Variants in CLNK observed in about 807,000 individuals in gnomAD.
The protein encoded by CLNK is cytokine dependent hematopoietic cell linker.
In CLNK, 74 loss-of-function variants were observed where a neutral mutation model predicts 68.6. The observed-to-expected ratio is 1.08, with a 90% CI of 0.89 to 1.31. The LOEUF (loss-of-function observed/expected upper bound fraction) is 1.31, where lower values mean the gene tolerates loss of function less well. CLNK is among the 50% of genes most tolerant of loss of function. CLNK has a pLI of 0.00. For synonymous variants in CLNK, 198 were observed against 172.2 expected (o/e 1.15, Z -1.17); for missense variants, 553 against 515.3 (o/e 1.07, Z -0.71).
chr4:10,616,790 G>GTATATATATATATA (rs58333228), intron 2 of CLNK, among the ~76,000 whole-genome samples: 4 of 64,398 alleles, frequency 6.2e-5, no homozygotes, highest in African/African-American at 1.3e-4. Flanking sequence ...GTGTGTGTGT[G>GTATATATATATATA]TATATATATA....
intron 3 of CLNK, among the ~76,000 whole-genome samples, chr4:10,586,604 C>T (rs1172170085): frequency 6.6e-6 from 1 of 152,112 alleles, no homozygotes; most frequent in African/African-American, 2.4e-5. Context: ...TGAGCCACCA[C>T]GCCCAGCTTG....
At chr4:10,697,192 C>G in the CLNK span, 23 of 152,270 alleles carry the variant, frequency 1.5e-4, no homozygotes, top group Admixed American at 5.9e-4. Context: ...CAGTTGTGCA[C>G]CTGGACTCAG....
intron 2 of CLNK, among the ~76,000 whole-genome samples, chr4:10,648,271 T>A (rs1723591724): frequency 2.0e-5 from 3 of 152,316 alleles, no homozygotes; most frequent in East Asian, 3.9e-4. Flanking sequence ...TATTATTATC[T>A]CTTTTATGTA....
the CLNK span, among the ~76,000 whole-genome samples, chr4:10,724,968 G>C: frequency 2.0e-5 from 3 of 152,180 alleles, no homozygotes; most frequent in Non-Finnish European, 4.4e-5. Context: ...GAACTTATTT[G>C]TGAGGCAGGG....
intron 2 of CLNK, among the ~76,000 whole-genome samples, chr4:10,661,102 C>A (rs1724175309): frequency 6.6e-6 from 1 of 152,218 alleles, no homozygotes; most frequent in Non-Finnish European, 1.5e-5. Flanking sequence ...GTGGGATTTA[C>A]ACTTATTTAT....
intron 2 of CLNK, among the ~76,000 whole-genome samples, chr4:10,624,586 C>T (rs988392165): frequency 9.8e-5 from 14 of 142,218 alleles, no homozygotes; most frequent in Admixed American, 9.8e-4. Flanking sequence ...GCCACCGCGC[C>T]CGGCCAGTTT....
intron 18 of CLNK, among the ~76,000 whole-genome samples, chr4:10,496,934 G>A (rs1483049840): frequency 6.6e-6 from 1 of 152,210 alleles, no homozygotes; most frequent in Non-Finnish European, 1.5e-5. Flanking sequence ...ACCCTATGGA[G>A]TGCACTTTCA....
In CLNK at chr4:10,667,846, C is replaced by CCTTTTCCCTGGGCGGCCA; in HGVS notation, c.11+12_11+13insTGGCCGCCCAGGGAAAAG. 6.3e-7 allele frequency: 1 copy of CCTTTTCCCTGGGCGGCCA among 1,582,634 alleles called. No homozygotes were observed. The highest frequency in any genetic ancestry group is 8.6e-7 in the Non-Finnish European group (1 of 1,162,030). Reference sequence around the variant, plus strand: ...AAGGGAACTGGGGCTCACAGTGATCCCACGGTACTTACTGCCTGTTCATAG... The same window carrying CCTTTTCCCTGGGCGGCCA: ...AAGGGAACTGGGGCTCACAGTGATCCCTTTTCCCTGGGCGGCCACACGGTACTTACTGCCTGTTCATAG... On this transcript the variant is annotated intron_variant, in intron 2 of 18. Transcript: ENST00000226951.
intron 3 of CLNK, among the ~76,000 whole-genome samples, chr4:10,594,830 C>T (rs1043187569): frequency 3.3e-5 from 5 of 152,200 alleles, no homozygotes; most frequent in African/African-American, 4.8e-5. Flanking sequence ...CATGATGGCC[C>T]ACACCTGTAA....
At chr4:10,697,801 C>CTAA in the CLNK span, 1 of 151,978 alleles carries the variant, frequency 6.6e-6, no homozygotes, top group Admixed American at 6.6e-5. Context: ...AATCCTTCTA[C>CTAA]ATTTTGATCT....
At chr4:10,711,315 A>G in the CLNK span, among the ~76,000 whole-genome samples, 1 of 152,198 alleles carries the variant, frequency 6.6e-6, no homozygotes, top group South Asian at 2.1e-4. Context: ...AGAAACATCA[A>G]TTTCCCTTTG....
At chr4:10,693,864 G>A in the CLNK span, among the ~76,000 whole-genome samples, 1 of 152,128 alleles carries the variant, frequency 6.6e-6, no homozygotes, top group African/African-American at 2.4e-5. Flanking sequence ...GGATGCATAT[G>A]GACCATAACC....
In CLNK at chr4:10,669,912, G is replaced by A. The variant is rs187886698; in HGVS notation, c.-42-2001C>T. Among the ~76,000 whole-genome samples the A allele has an allele frequency of 2.2e-3, 342 of 152,306 alleles. 1 individual carries two copies. Among genetic ancestry groups the A allele is most frequent in the Non-Finnish European group, 4.0e-3 (269 of 68,028 alleles). On this transcript the variant is annotated intron_variant, in intron 1 of 18. Coordinates refer to ENST00000226951, the MANE Select transcript of CLNK (RefSeq NM_052964.4). ...AAGTCATTTCCATCATGGCAGTGGG[G>A]AAGGGGACTTGAACTTTCATCAGTG...
chr4:10,604,289 A>G (rs1330271989), intron 2 of CLNK, among the ~76,000 whole-genome samples: 1 of 152,258 alleles, frequency 6.6e-6, no homozygotes, highest in Non-Finnish European at 1.5e-5. Flanking sequence ...GGCTTACTCA[A>G]TTACAAAGAG....
chr4:10,560,547 G>A (rs1264663071), intron 7 of CLNK, among the ~76,000 whole-genome samples: 2 of 152,188 alleles, frequency 1.3e-5, no homozygotes, highest in Non-Finnish European at 2.9e-5. Context: ...GGGCTCAAGC[G>A]ATCCTCCCAC....
chr4:10,633,711 T>A (rs548996507), intron 2 of CLNK, among the ~76,000 whole-genome samples: 1 of 152,308 alleles, frequency 6.6e-6, no homozygotes, highest in East Asian at 1.9e-4. Flanking sequence ...CAAATGTAAT[T>A]TGGCTGTATA....
In CLNK at chr4:10,610,384, AAGAG is replaced by A. The variant is rs1303497394; in HGVS notation, c.12-12339_12-12336del. Among the ~76,000 whole-genome samples, 3 of 151,386 alleles carry A rather than the reference AAGAG, an allele frequency of 2.0e-5. No homozygotes were observed. The East Asian group carries it at 5.8e-4, about 29-fold the overall frequency. On this transcript the variant is annotated intron_variant, in intron 2 of 18. Coordinates refer to ENST00000226951, the MANE Select transcript of CLNK (RefSeq NM_052964.4). ...TTTTTAATCTTCTTGGGGAGAGAAAAAGAGAAAGACAAAAAAAGCTGATCTAATT... is the reference window on the plus strand; with the variant it reads ...TTTTTAATCTTCTTGGGGAGAGAAAAAAAGACAAAAAAAGCTGATCTAATT...
intron 2 of CLNK, among the ~76,000 whole-genome samples, chr4:10,601,562 C>T (rs1426927945): frequency 2.6e-5 from 4 of 152,154 alleles, no homozygotes; most frequent in Non-Finnish European, 5.9e-5. Flanking sequence ...CTCAACACAT[C>T]ACAGAAAATG....
chr4:10,677,175 T>A (rs1307860323), intron 1 of CLNK, among the ~76,000 whole-genome samples: 1 of 152,122 alleles, frequency 6.6e-6, no homozygotes, highest in African/African-American at 2.4e-5. Context: ...ATTTAGGGAT[T>A]GCTATATATT....
Sources: allele counts gnomAD v4.1 joint callset (sites outside exome capture counted in the v4.1 genomes callset), GRCh38; gene constraint gnomAD v4.1.1; transcripts MANE v1.5; gene names NCBI Gene and HGNC (gene_info 2026-07-23, HGNC 2026-07-21).